Variants in USP1 observed in about 807,000 individuals in gnomAD.
USP1 encodes ubiquitin specific peptidase 1.
USP1 carries 18 observed loss-of-function variants against 72.2 expected under a neutral mutation model. The ratio of observed to expected loss-of-function variants is 0.25; its 90% confidence interval spans 0.17 to 0.37. The LOEUF (loss-of-function observed/expected upper bound fraction) is 0.37. Among genes scored for constraint, USP1 ranks in the 10% least tolerant of loss-of-function variants. USP1 has a pLI of 1.00. For missense variants in USP1, 759 were observed against 884.9 expected (o/e 0.86, Z 1.81); for synonymous variants, 354 against 303.7 (o/e 1.17, Z -1.72).
At chr1:62,436,495 C>T (rs1645088219), upstream of USP1, 1 of 152,246 alleles carries the variant, frequency 6.6e-6, no homozygotes, top group South Asian at 2.1e-4. Flanking sequence ...TGGCTGGAGC[C>T]CACCTTTCTT....
intron 1 of USP1, among the ~76,000 whole-genome samples, chr1:62,438,919 C>T (rs1321097661): frequency 6.6e-6 from 1 of 152,208 alleles, no homozygotes; most frequent in East Asian, 1.9e-4. Context: ...ACGGTCTCAA[C>T]TTTGCTTGTG....
At chr1:62,440,775 C>T (rs987843318) in intron 2 of USP1, among the ~76,000 whole-genome samples, 5 of 151,696 alleles carry the variant, frequency 3.3e-5, no homozygotes, top group Admixed American at 3.3e-4. Flanking sequence ...AGCTAGCAAT[C>T]GTAAAATAAA....
intron 1 of USP1, among the ~76,000 whole-genome samples, chr1:62,437,834 G>A (rs1050574745): frequency 1.3e-5 from 2 of 152,350 alleles, no homozygotes; most frequent in African/African-American, 4.8e-5. Flanking sequence ...TTTTCAAGAA[G>A]TGTTTAGAAC....
chr1:62,438,266 T>C (rs776815084), intron 1 of USP1, among the ~76,000 whole-genome samples: 3 of 152,150 alleles, frequency 2.0e-5, no homozygotes, highest in Non-Finnish European at 4.4e-5. Context: ...AAATTGGCTC[T>C]CGAGAAAAAC....
intron 1 of USP1, among the ~76,000 whole-genome samples, chr1:62,438,978 G>T (rs1337010572): frequency 6.6e-6 from 1 of 152,030 alleles, no homozygotes; most frequent in Non-Finnish European, 1.5e-5. Context: ...CCATCTCTAT[G>T]CCTTGAATGC....
intron 1 of USP1, among the ~76,000 whole-genome samples, chr1:62,438,814 C>T (rs533291289): frequency 4.0e-4 from 61 of 152,188 alleles, no homozygotes; most frequent in Non-Finnish European, 7.5e-4. Context: ...TTTTAAAATC[C>T]AAAGTTTTTT....
In USP1 at chr1:62,444,605, T is replaced by A. The variant is rs552397220; in HGVS notation, c.558-133T>A. 51 of 696,252 alleles carry A rather than the reference T, an allele frequency of 7.3e-5. 3 individuals carry two copies. Among genetic ancestry groups the A allele is most frequent in the Admixed American group, 2.0e-4 (5 of 24,836 alleles). 43.1% of individuals were successfully genotyped at this position (696,252 alleles called of 1,614,324 possible). ...TTACAGATAAGAAATTCCAAATTAG[T>A]GCTGAATAAATGTCTTGACATTTAA... On this transcript the variant is annotated intron_variant, in intron 5 of 8. Transcript: ENST00000339950.
chr1:62,436,843 G>A, upstream of USP1: 1 of 339,766 alleles, frequency 2.9e-6, no homozygotes, highest in African/African-American at 2.1e-5. Flanking sequence ...GTTTGAAACT[G>A]TGGAACCCGT....
At chr1:62,436,889 G>A (rs1645091295), upstream of USP1, 1 of 385,020 alleles carries the variant, frequency 2.6e-6, no homozygotes, top group Non-Finnish European at 4.6e-6. Flanking sequence ...AGCTGGCTCC[G>A]GAGCCCGTGC....
In USP1 at chr1:62,447,385, G is replaced by A; in HGVS notation, c.1294G>A (p.Gly432Ser). The change falls in exon 7 of 9, where the codon GGT (glycine) becomes AGT (serine). Residue 432 changes from glycine to serine, a missense_variant. Gly to Ser is a moderately conservative substitution (Grantham distance 56, BLOSUM62 0). Transcript: ENST00000339950. ...TGAGCTAGTGGAGAAATTATTTCAA[G>A]GTCAGCTGGTATTAAGGACGCGTTG... ...GFELVEKLFQ[G>S]QLVLRTRCLE... 2 of 1,613,490 alleles carry A rather than the reference G, an allele frequency of 1.2e-6. No individual in the cohort carries two copies. Among genetic ancestry groups the A allele is most frequent in the Non-Finnish European group, 1.7e-6 (2 of 1,179,896 alleles).
chr1:62,436,767 C>T (rs1241144795), upstream of USP1: 2 of 216,214 alleles, frequency 9.3e-6, no homozygotes, highest in Non-Finnish European at 1.8e-5. Context: ...GCCAGCCAGG[C>T]CGCTAGCACC....
chr1:62,444,127 T>C (rs1645152535), intron 5 of USP1, among the ~76,000 whole-genome samples: 1 of 151,796 alleles, frequency 6.6e-6, no homozygotes, highest in African/African-American at 2.4e-5. Context: ...GGTGTGGTGG[T>C]TTGCACCTGT....
rs1571139806 is a variant in USP1 at position 62,448,652 on chromosome 1, T to C, written c.1608T>C (p.Ala536=). 6.2e-7 allele frequency: 1 copy of C among 1,612,806 alleles called. No homozygotes were observed. The highest frequency in any genetic ancestry group is 2.2e-5 in the East Asian group (1 of 44,798). The change falls in exon 8 of 9, where the codon GCT becomes GCC. Residue 536 remains alanine, a synonymous_variant. Transcript: ENST00000339950. ...EVITIHLKCF[A]ASGLEFDCYG... ...TAACTATTCATTTGAAGTGCTTTGC[T>C]GCTAGTGGTTTGGAGTAAGTATTGT... is the stretch of plus-strand genomic sequence containing the variant.
At chr1:62,438,515 A>T (rs535188874) in intron 1 of USP1, among the ~76,000 whole-genome samples, 1 of 152,326 alleles carries the variant, frequency 6.6e-6, no homozygotes, top group African/African-American at 2.4e-5. Context: ...TGAAATGCTT[A>T]TTAAGGATGA....
chr1:62,439,712 C>A, intron 1 of USP1, 87 bp from the exon 2 acceptor site: 1 of 556,576 alleles, frequency 1.8e-6, no homozygotes, highest in Non-Finnish European at 2.8e-6. Flanking sequence ...TTGTACCATT[C>A]CCTTGGTAAA....
rs377081918 is a variant in USP1, at chr1:62,451,006, A to T, written c.*25A>T. ...GAGTGAGTGTATTTTCCTTGTGTAT[A>T]TATTAAACACACCCATACAAACATT... is the stretch of plus-strand genomic sequence containing the variant. On this transcript the variant is annotated 3_prime_UTR_variant, in exon 9 of 9. Transcript: ENST00000339950. 2.6e-6 allele frequency: 4 copies of T among 1,536,772 alleles called. No individual in the cohort carries two copies. The highest frequency in any genetic ancestry group is 2.1e-5 in the Admixed American group (1 of 46,778).
chr1:62,447,193 C>T, intron 6 of USP1, 148 bp from the exon 7 acceptor site: 1 of 720,250 alleles, frequency 1.4e-6, no homozygotes, highest in Non-Finnish European at 2.2e-6. Context: ...TAATAGGGTA[C>T]CTCTAATAAG....
rs186119760 is a variant in USP1 at position 62,446,829 on chromosome 1, T to C, written c.1250-512T>C. On this transcript the variant is annotated intron_variant, in intron 6 of 8. Coordinates refer to ENST00000339950, the MANE Select transcript of USP1 (RefSeq NM_003368.5). ...TTTATTTTTTATTTTTTTTATTTTT[T>C]TGGAGACAGAGTTTTGCTCTTGTTG... is the stretch of plus-strand genomic sequence containing the variant. 1.2e-4 allele frequency among the ~76,000 whole-genome samples: 18 copies of C among 152,262 alleles called. No homozygotes were observed. In the East Asian group the frequency reaches 2.3e-3, roughly 20 times the overall value.
intron 3 of USP1, 151 bp downstream of exon 3, chr1:62,441,759 C>T (rs1450591532): frequency 6.9e-6 from 7 of 1,009,626 alleles, no homozygotes; most frequent in Non-Finnish European, 9.6e-6. Context: ...TAATAAGTTA[C>T]ATGTTATTAA....
Sources: gnomAD v4.1 joint callset for allele counts (sites outside exome capture counted in the v4.1 genomes callset) on GRCh38, gnomAD v4.1.1 for gene constraint, MANE v1.5 for transcripts, NCBI Gene and HGNC (gene_info 2026-07-23, HGNC 2026-07-21) for gene names.